Variants in HEATR4 observed in about 807,000 individuals in gnomAD.
HEATR4 encodes the protein HEAT repeat-containing protein 4.
A neutral mutation model predicts 108.8 loss-of-function variants in HEATR4; 95 were observed. That is an observed-to-expected ratio of 0.87 (90% CI 0.74 to 1.04). The LOEUF (loss-of-function observed/expected upper bound fraction) is 1.04. HEATR4 is among the 50% of genes least tolerant of loss of function. The probability of loss-of-function intolerance (pLI) is 0.00; values close to 1 mark genes in which losing one functional copy is unlikely to be tolerated. For synonymous variants in HEATR4, 443 were observed against 459.4 expected (o/e 0.96, Z 0.46); for missense variants, 1,152 against 1,253.8 (o/e 0.92, Z 1.23).
rs766431165 is a variant in HEATR4, at chr14:73,490,989, C to T, written c.2844+2077G>A. 11 of 1,337,246 alleles carry T rather than the reference C, an allele frequency of 8.2e-6. No individual in the cohort carries two copies. The South Asian group carries it at 1.1e-4, about 13-fold the overall frequency. The allele number at this position is 1,337,246 out of a possible 1,614,324, so 82.8% of individuals were successfully genotyped here. ...CGCTTTAGCTTCGCCCCCGGCCGGC[C>T]GGGCGGGGAAGACTGGTGTGGTCTG... is the stretch of plus-strand genomic sequence containing the variant. On this transcript the variant is annotated intron_variant, in intron 17 of 17. Transcript: ENST00000553558.
intron 11 of HEATR4, among the ~76,000 whole-genome samples, chr14:73,502,685 T>A (rs1211075659): frequency 6.6e-6 from 1 of 152,140 alleles, no homozygotes; most frequent in African/African-American, 2.4e-5. Flanking sequence ...GTAGCTGGGA[T>A]GACAGGCATG....
At chr14:73,632,357 T>C in the HEATR4 span, among the ~76,000 whole-genome samples, 1 of 152,264 alleles carries the variant, frequency 6.6e-6, no homozygotes, top group Admixed American at 6.5e-5. Flanking sequence ...TAAAAGGTCC[T>C]CTTAACTCAT....
chr14:73,481,274 A>G (rs1885245266), intron 17 of HEATR4, among the ~76,000 whole-genome samples: 1 of 151,838 alleles, frequency 6.6e-6, no homozygotes, highest in Non-Finnish European at 1.5e-5. Context: ...CCCCATCTTT[A>G]CTAAAAATAC....
the HEATR4 span, chr14:73,573,408 A>G: frequency 1.2e-6 from 2 of 1,613,510 alleles, no homozygotes; most frequent in Non-Finnish European, 1.7e-6. Context: ...CTTTCCTGGG[A>G]TTGTGGACAT....
Position 73,523,210 on chromosome 14 carries a change from G to A in HEATR4, c.-58C>T. On this transcript the variant is annotated 5_prime_UTR_variant, in exon 3 of 18. Transcript: ENST00000553558. ...GCCTGGCCTAGAGGAAAGGCCTGGA[G>A]ATGAGACCTGGCACCTGTTAAGGGA... 3 of 1,473,956 alleles carry A rather than the reference G, an allele frequency of 2.0e-6. 1 individual carries two copies. The highest frequency in any genetic ancestry group is 2.7e-6 in the Non-Finnish European group (3 of 1,109,908). The allele number at this position is 1,473,956 out of a possible 1,614,324, so 91.3% of individuals were successfully genotyped here. A position where few individuals can be genotyped will look rare whatever the true frequency, so the allele number is the denominator to read the frequency against.
At chr14:73,619,574 A>G in the HEATR4 span, 3 of 1,614,216 alleles carry the variant, frequency 1.9e-6, no homozygotes, top group Non-Finnish European at 2.5e-6. Flanking sequence ...AGTGAATTCT[A>G]TGCTCAGATA....
At chr14:73,491,343 C>G in intron 17 of HEATR4, 1 of 1,441,426 alleles carries the variant, frequency 6.9e-7, no homozygotes, top group Admixed American at 2.8e-5. Context: ...CTGGAGGCCT[C>G]GCCCGCCGCG....
At chr14:73,537,136 C>T in intron 1 of HEATR4, 1 of 327,590 alleles carries the variant, frequency 3.1e-6, no homozygotes, top group South Asian at 3.4e-5. Flanking sequence ...CAGTCCTGGC[C>T]CAGCCCATTC....
chr14:73,593,674 C>T, the HEATR4 span: 5 of 1,569,840 alleles, frequency 3.2e-6, no homozygotes, highest in Non-Finnish European at 4.3e-6. Context: ...TGTATAATGG[C>T]TTACATTTAT....
At position 73,491,436 on chromosome 14, in the gene HEATR4, T is replaced by TCCA. The variant is rs1293632043; in HGVS notation, c.2844+1629_2844+1630insTGG. ...CTGGTGGAGGTGCCCGCCGCGCCGG[T>TCCA]CCGGGTGGTGGAGACCTCGGCCCTG... On this transcript the variant is annotated intron_variant, in intron 17 of 17. Coordinates refer to ENST00000553558, the MANE Select transcript of HEATR4 (RefSeq NM_001220484.1). 9 of 1,358,592 alleles carry TCCA rather than the reference T, an allele frequency of 6.6e-6. No individual in the cohort carries two copies. The East Asian group carries it at 1.8e-4, about 28-fold the overall frequency. The allele number at this position is 1,358,592 out of a possible 1,614,324, so 84.2% of individuals were successfully genotyped here.
In HEATR4 at chr14:73,514,090, G is replaced by A. The variant is rs1213995573; in HGVS notation, c.1355C>T (p.Thr452Ile). The part of the protein sequence containing the change: ...KQAKSLQEDV[T>I]WELVVLRRML... The stretch of plus-strand genomic sequence containing the variant: ...CCTCCGCAGGACCACCAGTTCCCAG[G>A]TCACATCCTCCTGCAGTGATTTTGC... Residue 452 changes from threonine to isoleucine, a missense_variant, in exon 6 of 18, where the codon ACC becomes ATC. Transcript: ENST00000553558. The A allele has an allele frequency of 1.2e-6, 2 of 1,614,128 alleles. No homozygotes were observed. The highest frequency in any genetic ancestry group is 1.7e-5 in the Admixed American group (1 of 60,000).
chr14:73,524,293 CAA>C (rs1160344592), intron 2 of HEATR4, among the ~76,000 whole-genome samples: 9,765 of 55,670 alleles, frequency 0.18, 549 homozygotes, highest in Middle Eastern at 0.36. Flanking sequence ...AACTCCGTCT[CAA>C]AAAAAAAAAA....
the HEATR4 span, among the ~76,000 whole-genome samples, chr14:73,630,073 T>C: frequency 6.6e-6 from 1 of 151,338 alleles, no homozygotes; most frequent in African/African-American, 2.4e-5. Flanking sequence ...AAAAGAAATA[T>C]GATTGGACAA....
intron 11 of HEATR4, among the ~76,000 whole-genome samples, chr14:73,501,493 G>A (rs1442280524): frequency 1.3e-5 from 2 of 149,858 alleles, no homozygotes; most frequent in Non-Finnish European, 1.5e-5. Context: ...GACCTCAAGT[G>A]ATTCTCCTGC....
At chr14:73,593,955 G>C in the HEATR4 span, 1 of 1,518,090 alleles carries the variant, frequency 6.6e-7, no homozygotes, top group South Asian at 1.2e-5. Context: ...TATTTCCATA[G>C]AGAGTGTAAC....
At chr14:73,593,548 GT>G in the HEATR4 span, among the ~76,000 whole-genome samples, 1 of 151,284 alleles carries the variant, frequency 6.6e-6, no homozygotes, top group Admixed American at 6.6e-5. Flanking sequence ...TCACTACATT[GT>G]CCAGGCTGGT....
chr14:73,492,321 T>TA lies in HEATR4; in HGVS notation c.2844+744dup. On this transcript the variant is annotated intron_variant, in intron 17 of 17. Transcript: ENST00000553558. This position sits in a 1 kb window ranked among gnomAD's most constrained non-coding sequence, Gnocchi z 4.9. ...ACCTGGGGTGACTTCTTAGAGGCCA[T>TA]ACTGCCTCTGGCAGTGCAGGCTGCA... 6.2e-7 allele frequency: 1 copy of TA among 1,614,050 alleles called. No individual in the cohort carries two copies. The highest frequency in any genetic ancestry group is 8.5e-7 in the Non-Finnish European group (1 of 1,179,896).
At chr14:73,491,476 A>G (rs904495257) in intron 17 of HEATR4, 2 of 1,494,054 alleles carry the variant, frequency 1.3e-6, no homozygotes, top group African/African-American at 1.4e-5. Flanking sequence ...GCACCGCGCA[A>G]CACTTAGCGG....
chr14:73,612,651 C>T, the HEATR4 span: 1 of 1,407,656 alleles, frequency 7.1e-7, no homozygotes. Context: ...CGCGGCCTGG[C>T]CCCGGAGCAG....
Sources: allele counts gnomAD v4.1 joint callset (sites outside exome capture counted in the v4.1 genomes callset), GRCh38; gene constraint gnomAD v4.1.1; non-coding constraint Gnocchi (gnomAD v3.1); transcripts MANE v1.5; gene names NCBI Gene and HGNC (gene_info 2026-07-23, HGNC 2026-07-21).